KDM4C: variants seen among roughly 807,000 people sequenced by gnomAD.
The protein encoded by KDM4C is lysine demethylase 4C, also known as lysine-specific demethylase 4C.
A neutral mutation model predicts 129.3 loss-of-function variants in KDM4C; 81 were observed. The observed-to-expected ratio is 0.63, with a 90% CI of 0.52 to 0.75. The LOEUF is 0.75. Ranked by LOEUF, KDM4C falls within the 30% of genes least tolerant of loss-of-function variation. The probability of loss-of-function intolerance (pLI) is 0.00; values close to 1 mark genes in which losing one functional copy is unlikely to be tolerated. For synonymous variants in KDM4C, 573 were observed against 456.1 expected (o/e 1.26, Z -3.26); for missense variants, 1,457 against 1,304.0 (o/e 1.12, Z -1.81).
chr9:7,031,195 C>T (rs1454334430), intron 15 of KDM4C, among the ~76,000 whole-genome samples: 1 of 151,524 alleles, frequency 6.6e-6, no homozygotes, highest in Non-Finnish European at 1.5e-5. Context: ...TGGAGTCTGG[C>T]TCTGTTGCCC....
rs1177446839 is a variant in KDM4C at position 6,854,525 on chromosome 9, C to CAAAAAAAA, written c.629+4838_629+4845dup. On this transcript the variant is annotated intron_variant, in intron 5 of 21. Transcript: ENST00000381309. ...GGGCAACAAGAGCGAAACTCCGTCT[C>CAAAAAAAA]AAAAAAAAAAAAAAAAAAAACAAAA... 2.5e-3 allele frequency among the ~76,000 whole-genome samples: 104 copies of CAAAAAAAA among 41,288 alleles called. 3 individuals carry two copies. The highest frequency in any genetic ancestry group is 3.2e-3 in the East Asian group (5 of 1,564). 27.1% of individuals were successfully genotyped at this position (41,288 alleles called of 152,430 possible).
intron 15 of KDM4C, among the ~76,000 whole-genome samples, chr9:7,040,657 G>A (rs1248145654): frequency 6.6e-6 from 1 of 151,630 alleles, no homozygotes; most frequent in African/African-American, 2.4e-5. Flanking sequence ...TGTTTTCTTG[G>A]GAGGTAGACT....
intron 17 of KDM4C, among the ~76,000 whole-genome samples, chr9:7,068,035 A>G (rs1832682640): frequency 6.6e-6 from 1 of 152,220 alleles, no homozygotes; most frequent in East Asian, 1.9e-4. Flanking sequence ...TGACCTCGTG[A>G]TCCACCCGCC....
At chr9:7,049,363 C>G (rs1438625535) in intron 17 of KDM4C, among the ~76,000 whole-genome samples, 163 bp downstream of exon 17, 1 of 151,944 alleles carries the variant, frequency 6.6e-6, no homozygotes, top group Non-Finnish European at 1.5e-5. Flanking sequence ...CTTACAAATT[C>G]TTTTCCTGTT....
At chr9:6,892,681 T>G (rs976791756) in intron 7 of KDM4C, among the ~76,000 whole-genome samples, 1 of 152,350 alleles carries the variant, frequency 6.6e-6, no homozygotes, top group South Asian at 2.1e-4. Context: ...GCATGTATTA[T>G]CAAAGTTTCT....
intron 19 of KDM4C, among the ~76,000 whole-genome samples, chr9:7,146,624 T>TA (rs1292445642): frequency 6.6e-6 from 1 of 152,204 alleles, no homozygotes; most frequent in Non-Finnish European, 1.5e-5. Flanking sequence ...TTCTATGAAG[T>TA]AAAAAACTAT....
intron 12 of KDM4C, among the ~76,000 whole-genome samples, chr9:6,992,804 A>G (rs952730787): frequency 2.6e-5 from 4 of 152,264 alleles, no homozygotes; most frequent in South Asian, 2.1e-4. Context: ...GAGCATAACT[A>G]TATTAGAGCA....
intron 8 of KDM4C, chr9:6,925,343 A>G (rs759636172): frequency 2.2e-4 from 214 of 985,252 alleles, no homozygotes; most frequent in Non-Finnish European, 2.5e-4. Flanking sequence ...GGGCGTCTTC[A>G]TTTTCTTTTG....
intron 17 of KDM4C, among the ~76,000 whole-genome samples, chr9:7,084,183 C>T (rs540126278): frequency 2.6e-5 from 4 of 152,250 alleles, no homozygotes; most frequent in South Asian, 4.1e-4. Context: ...CAGGTGTTGA[C>T]GACCTGTGCC....
chr9:6,861,314 G>A (rs993204445), intron 5 of KDM4C, among the ~76,000 whole-genome samples: 1 of 152,072 alleles, frequency 6.6e-6, no homozygotes, highest in Non-Finnish European at 1.5e-5. Context: ...TTTGTGTGTT[G>A]ACCAGGTATC....
chr9:7,174,316 G>T (rs1442253543), intron 21 of KDM4C, among the ~76,000 whole-genome samples: 3 of 152,114 alleles, frequency 2.0e-5, no homozygotes, highest in African/African-American at 7.2e-5. Context: ...TTTGTTTGGG[G>T]AAGGTCCCTG....
intron 8 of KDM4C, among the ~76,000 whole-genome samples, chr9:6,920,886 A>T (rs1204003742): frequency 1.3e-5 from 2 of 152,200 alleles, no homozygotes; most frequent in Non-Finnish European, 2.9e-5. Flanking sequence ...CTTCCCCTGC[A>T]GTATGTCAAA....
chr9:7,038,182 C>A (rs755824565), intron 15 of KDM4C, among the ~76,000 whole-genome samples: 1 of 151,952 alleles, frequency 6.6e-6, no homozygotes, highest in African/African-American at 2.4e-5. Context: ...TTAAATTGTA[C>A]GTTTCTTGTA....
In KDM4C at chr9:6,793,145, C is replaced by T. The variant is rs200204784; in HGVS notation, c.144+13C>T. 1,960 of 1,604,110 alleles carry T rather than the reference C, an allele frequency of 1.2e-3. 8 individuals are homozygous for T. The highest frequency in any genetic ancestry group is 7.4e-3 in the South Asian group (662 of 89,628). ...GGGTCTTGCAAAGGTGATTATCCTT[C>T]GATGCTTTAAATGAAAAACAATCAC... On this transcript the variant is annotated intron_variant, in intron 2 of 21. Transcript: ENST00000381309.
At chr9:6,979,527 G>A (rs1315771672) in intron 8 of KDM4C, among the ~76,000 whole-genome samples, 1 of 152,140 alleles carries the variant, frequency 6.6e-6, no homozygotes, top group Non-Finnish European at 1.5e-5. Context: ...TCTCATTGGT[G>A]GAGTAAAGTC....
At chr9:6,744,854 G>T (rs980781444) in intron 1 of KDM4C, among the ~76,000 whole-genome samples, 3 of 152,086 alleles carry the variant, frequency 2.0e-5, no homozygotes, top group African/African-American at 4.8e-5. Context: ...AGGGCAAGGT[G>T]GGGGGTGGGG....
At chr9:6,899,476 C>G (rs1817007458) in intron 8 of KDM4C, among the ~76,000 whole-genome samples, 1 of 151,990 alleles carries the variant, frequency 6.6e-6, no homozygotes, top group Non-Finnish European at 1.5e-5. Flanking sequence ...TGACAGGCAT[C>G]TGACATTGTA....
intron 9 of KDM4C, 63 bp from the exon 10 acceptor site, chr9:6,984,103 G>A: frequency 1.9e-5 from 18 of 969,904 alleles, no homozygotes; most frequent in Non-Finnish European, 2.9e-5. Context: ...CATTTATATT[G>A]GGATGTGTTT....
At chr9:6,812,820 C>T (rs551176776) in intron 3 of KDM4C, among the ~76,000 whole-genome samples, 1 of 152,340 alleles carries the variant, frequency 6.6e-6, no homozygotes, top group South Asian at 2.1e-4. Context: ...CTGGAACCTA[C>T]TAGCAGAAGT....
Sources: allele counts gnomAD v4.1 joint callset (sites outside exome capture counted in the v4.1 genomes callset), GRCh38; gene constraint gnomAD v4.1.1; transcripts MANE v1.5; gene names NCBI Gene and HGNC (gene_info 2026-07-23, HGNC 2026-07-21).